HS6ST3: variants seen among roughly 807,000 people sequenced by gnomAD.
The protein encoded by HS6ST3 is heparan-sulfate 6-O-sulfotransferase 3.
Under a neutral mutation model 36.7 loss-of-function variants are expected in HS6ST3, and 12 were observed. The observed-to-expected ratio is 0.33, with a 90% CI of 0.21 to 0.53. The LOEUF (loss-of-function observed/expected upper bound fraction) is 0.53, where lower values mean the gene tolerates loss of function less well. Among genes scored for constraint, HS6ST3 ranks in the 20% least tolerant of loss-of-function variants. The pLI, the probability that HS6ST3 is intolerant of heterozygous loss-of-function variation, is 0.95. For synonymous variants in HS6ST3, 240 were observed against 257.5 expected (o/e 0.93, Z 0.65); for missense variants, 584 against 640.9 (o/e 0.91, Z 0.96).
intron 1 of HS6ST3, among the ~76,000 whole-genome samples, chr13:96,808,516 G>A (rs1261909272): frequency 6.6e-6 from 1 of 152,202 alleles, no homozygotes; most frequent in Non-Finnish European, 1.5e-5. Context: ...GGAAGATGAG[G>A]CTAGCTAGCC....
At chr13:96,705,264 T>G (rs1875389176) in intron 1 of HS6ST3, among the ~76,000 whole-genome samples, 2 of 152,216 alleles carry the variant, frequency 1.3e-5, no homozygotes, top group African/African-American at 4.8e-5. Flanking sequence ...AAAAATTCTC[T>G]TTGTTCTGCC....
intron 1 of HS6ST3, among the ~76,000 whole-genome samples, chr13:96,185,627 C>T (rs1161837405): frequency 6.6e-6 from 1 of 152,212 alleles, no homozygotes; most frequent in Non-Finnish European, 1.5e-5. Context: ...TATAAGTTTA[C>T]TGCATTTTCT....
chr13:96,591,124 A>G (rs901749422), intron 1 of HS6ST3, among the ~76,000 whole-genome samples: 1 of 151,808 alleles, frequency 6.6e-6, no homozygotes, highest in Non-Finnish European at 1.5e-5. Context: ...GAAGACAGGT[A>G]AGGTGACTCT....
chr13:96,772,678 T>C (rs771400105), intron 1 of HS6ST3, among the ~76,000 whole-genome samples: 1 of 152,222 alleles, frequency 6.6e-6, no homozygotes, highest in Non-Finnish European at 1.5e-5. Flanking sequence ...CGAAGTTATA[T>C]AAGTACATCA....
intron 1 of HS6ST3, among the ~76,000 whole-genome samples, chr13:96,200,971 G>A (rs142271894): frequency 0.011 from 1,738 of 152,286 alleles, 18 homozygotes; most frequent in Middle Eastern, 0.031. Context: ...TTACGGCTGT[G>A]AGTTCATGGC....
chr13:96,313,869 T>A (rs1296167102), intron 1 of HS6ST3, among the ~76,000 whole-genome samples: 2 of 152,170 alleles, frequency 1.3e-5, no homozygotes. Context: ...TAGACGAGAT[T>A]GACTTGATTG....
chr13:96,697,152 A>T (rs1875151777), intron 1 of HS6ST3, among the ~76,000 whole-genome samples: 1 of 151,854 alleles, frequency 6.6e-6, no homozygotes. Flanking sequence ...GATTTTATAT[A>T]TATATATAAA....
chr13:96,143,685 A>G (rs1339232296), intron 1 of HS6ST3, among the ~76,000 whole-genome samples: 1 of 152,082 alleles, frequency 6.6e-6, no homozygotes, highest in African/African-American at 2.4e-5. Context: ...CTTTCTAGAC[A>G]CACTCTAAAC....
In HS6ST3 at chr13:96,269,291, A is replaced by G. The variant is rs192136246; in HGVS notation, c.707+177722A>G. Reference sequence around the variant, plus strand: ...AATGTATATTTAAAAATGAAATTAAATGGCAATTGTGCTAGATTTATGAAG... The same window carrying G: ...AATGTATATTTAAAAATGAAATTAAGTGGCAATTGTGCTAGATTTATGAAG... On this transcript the variant is annotated intron_variant, in intron 1 of 1. Transcript: ENST00000376705. Among the ~76,000 whole-genome samples, 151 of 152,154 alleles carry G rather than the reference A, an allele frequency of 9.9e-4. 1 individual carries two copies. Among genetic ancestry groups the G allele is most frequent in the Admixed American group, 9.2e-3 (141 of 15,270 alleles).
chr13:96,734,710 T>C (rs944334041), intron 1 of HS6ST3, among the ~76,000 whole-genome samples: 18 of 152,246 alleles, frequency 1.2e-4, no homozygotes, highest in African/African-American at 4.1e-4. Flanking sequence ...GCCATCTCTT[T>C]AATAAGATTA....
In HS6ST3 at chr13:96,118,859, C is replaced by T. The variant is rs1395619801; in HGVS notation, c.707+27290C>T. Among the ~76,000 whole-genome samples the T allele has an allele frequency of 1.7e-3, 249 of 147,390 alleles. 1 individual carries two copies. Among genetic ancestry groups the T allele is most frequent in the African/African-American group, 5.5e-3 (223 of 40,322 alleles). On this transcript the variant is annotated intron_variant, in intron 1 of 1. Coordinates refer to ENST00000376705, the MANE Select transcript of HS6ST3 (RefSeq NM_153456.4). ...CCGAGTAGCTGGGACTACAGGCGCCCGCCACCGCGCCCGGCTAATTTTTTG... is the reference window on the plus strand; with the variant it reads ...CCGAGTAGCTGGGACTACAGGCGCCTGCCACCGCGCCCGGCTAATTTTTTG...
At chr13:96,234,490 GAGATTTAAT>G (rs2054524738) in intron 1 of HS6ST3, among the ~76,000 whole-genome samples, 1 of 152,160 alleles carries the variant, frequency 6.6e-6, no homozygotes, top group South Asian at 2.1e-4. Flanking sequence ...TAAAGAAAAA[GAGATTTAAT>G]AGACTCACAG....
intron 1 of HS6ST3, among the ~76,000 whole-genome samples, chr13:96,539,507 C>T (rs1459710409): frequency 6.6e-6 from 1 of 152,098 alleles, no homozygotes; most frequent in African/African-American, 2.4e-5. Context: ...AGGCACCTGC[C>T]ACCATACCCA....
chr13:96,094,706 C>A (rs1182704227), intron 1 of HS6ST3, among the ~76,000 whole-genome samples: 1 of 152,170 alleles, frequency 6.6e-6, no homozygotes, highest in Non-Finnish European at 1.5e-5. Context: ...AAGGGGCCAT[C>A]ATATGGATTA....
chr13:96,542,128 G>A (rs2056180997), intron 1 of HS6ST3, among the ~76,000 whole-genome samples: 1 of 152,122 alleles, frequency 6.6e-6, no homozygotes, highest in Non-Finnish European at 1.5e-5. Flanking sequence ...AACAAATTAT[G>A]TTTTAACAAT....
chr13:96,697,957 A>G (rs1283213748), intron 1 of HS6ST3, among the ~76,000 whole-genome samples: 3 of 152,048 alleles, frequency 2.0e-5, no homozygotes, highest in Non-Finnish European at 4.4e-5. Flanking sequence ...TACTTATTTC[A>G]TTTGTCTTTG....
chr13:96,691,298 A>T (rs138418789), intron 1 of HS6ST3, among the ~76,000 whole-genome samples: 29 of 152,244 alleles, frequency 1.9e-4, no homozygotes, highest in African/African-American at 6.7e-4. Flanking sequence ...GTTAAATATA[A>T]GATGGCAGTT....
chr13:96,417,054 T>C (rs2139465619), intron 1 of HS6ST3, among the ~76,000 whole-genome samples: 1 of 152,262 alleles, frequency 6.6e-6, no homozygotes, highest in Non-Finnish European at 1.5e-5. Context: ...CCGGCCGGCA[T>C]GGGGTAACTT....
intron 1 of HS6ST3, among the ~76,000 whole-genome samples, chr13:96,622,135 A>T (rs2056497205): frequency 6.6e-6 from 1 of 152,124 alleles, no homozygotes; most frequent in South Asian, 2.1e-4. Context: ...TGGATTTGAA[A>T]TTGTGGCTGA....
Sources: gnomAD v4.1 joint callset for allele counts (sites outside exome capture counted in the v4.1 genomes callset) on GRCh38, gnomAD v4.1.1 for gene constraint, MANE v1.5 for transcripts, NCBI Gene and HGNC (gene_info 2026-07-23, HGNC 2026-07-21) for gene names.